The following ATP11B variants were observed in gnomAD, a reference collection of about 807,000 sequenced individuals.
ATP11B encodes ATPase phospholipid transporting 11B (putative).
Under a neutral mutation model 157.8 loss-of-function variants are expected in ATP11B, and 81 were observed. That is an observed-to-expected ratio of 0.51 (90% CI 0.43 to 0.62). The LOEUF (loss-of-function observed/expected upper bound fraction) is 0.62. ATP11B is among the 20% of genes least tolerant of loss of function. The probability of loss-of-function intolerance (pLI) is 0.00; values close to 1 mark genes in which losing one functional copy is unlikely to be tolerated. For missense variants in ATP11B, 1,165 were observed against 1,402.2 expected (o/e 0.83, Z 2.70); for synonymous variants, 451 against 469.4 (o/e 0.96, Z 0.51).
At chr3:182,797,785 A>G (rs775360961) in intron 1 of ATP11B, among the ~76,000 whole-genome samples, 4 of 152,200 alleles carry the variant, frequency 2.6e-5, no homozygotes, top group Non-Finnish European at 4.4e-5. Context: ...AATATTTTAC[A>G]TATATAGGTA....
chr3:182,825,183 T>C (rs1717634595), intron 2 of ATP11B, among the ~76,000 whole-genome samples: 2 of 152,344 alleles, frequency 1.3e-5, no homozygotes, highest in Non-Finnish European at 2.9e-5. Context: ...TTCTCCCTTA[T>C]TTGCCCTGGA....
At position 182,866,280 on chromosome 3, in the gene ATP11B, G is replaced by T. The variant is rs773411741; in HGVS notation, c.1456G>T (p.Asp486Tyr). Reference sequence around the variant, plus strand: ...TACATTTTTACAGATTAAAGAACATGATCTCTTCTTTAAAGCAGTCAGTCT... The same window carrying T: ...TACATTTTTACAGATTAAAGAACATTATCTCTTCTTTAAAGCAGTCAGTCT... ...ENETELIKEH[D>Y]LFFKAVSLCH... The change falls in exon 14 of 30, where the codon GAT becomes TAT. Residue 486 changes from aspartate to tyrosine, a missense_variant. Asp to Tyr is a radical substitution (Grantham distance 160, BLOSUM62 -3). This residue lies in a region of ATP11B where 737 missense variants were observed against 930.5 expected (regional missense o/e 0.79). Coordinates refer to ENST00000323116, the MANE Select transcript of ATP11B (RefSeq NM_014616.3). 1 of 1,575,230 alleles carries T rather than the reference G, an allele frequency of 6.3e-7. No homozygotes were observed. Among genetic ancestry groups the T allele is most frequent in the Admixed American group, 1.8e-5 (1 of 56,448 alleles).
intron 1 of ATP11B, among the ~76,000 whole-genome samples, chr3:182,795,554 C>T (rs912845495): frequency 1.3e-5 from 2 of 152,176 alleles, no homozygotes; most frequent in African/African-American, 4.8e-5. Context: ...GCCGTCTTAA[C>T]AGGGATGGTT....
Position 182,835,929 on chromosome 3 carries a change from C to T in ATP11B, c.316-106C>T, listed in dbSNP as rs1718514254. 6.6e-6 allele frequency: 5 copies of T among 754,774 alleles called. No homozygotes were observed. The East Asian group carries it at 1.4e-4, about 21-fold the overall frequency. 46.8% of individuals were successfully genotyped at this position (754,774 alleles called of 1,614,324 possible). On this transcript the variant is annotated intron_variant, in intron 4 of 29. Coordinates refer to ENST00000323116, the MANE Select transcript of ATP11B (RefSeq NM_014616.3). ...TGCATCCAAATAGCCTCATATGATTCTGGAATGTAGTGTTCCAGGGAAGTT... is the reference window on the plus strand; with the variant it reads ...TGCATCCAAATAGCCTCATATGATTTTGGAATGTAGTGTTCCAGGGAAGTT...
chr3:182,892,319 G>A (rs766565502), intron 25 of ATP11B, among the ~76,000 whole-genome samples: 2 of 152,122 alleles, frequency 1.3e-5, no homozygotes, highest in African/African-American at 4.8e-5. Context: ...TGTCTAGGCC[G>A]CGTCTCATTG....
rs375332861 is a variant in ATP11B at position 182,887,652 on chromosome 3, T to C, written c.2782T>C (p.Tyr928His). ...ICFTSLPILI[Y>H]SLLEQHVDPH... The stretch of plus-strand genomic sequence containing the variant: ...TTTTACTTCCCTACCTATTCTGATA[T>C]ATAGTCTTTTGGAACAGCATGTAGA... Residue 928 changes from tyrosine to histidine, a missense_variant, in exon 24 of 30, where the codon TAT becomes CAT. This residue lies in a region of ATP11B where 737 missense variants were observed against 930.5 expected (regional missense o/e 0.79). Coordinates refer to ENST00000323116, the MANE Select transcript of ATP11B (RefSeq NM_014616.3). 22 of 1,613,112 alleles carry C rather than the reference T, an allele frequency of 1.4e-5. No individual in the cohort carries two copies. The African/African-American group carries it at 1.7e-4, about 13-fold the overall frequency.
intron 25 of ATP11B, 92 bp downstream of exon 25, chr3:182,889,640 A>G (rs1311689403): frequency 2.7e-6 from 3 of 1,121,104 alleles, no homozygotes; most frequent in East Asian, 3.0e-5. Flanking sequence ...TTTAAATTAC[A>G]GAACTTCAAG....
intron 7 of ATP11B, among the ~76,000 whole-genome samples, chr3:182,839,530 C>T (rs977456929): frequency 6.6e-6 from 1 of 152,006 alleles, no homozygotes; most frequent in Non-Finnish European, 1.5e-5. Flanking sequence ...AATTGTAGAT[C>T]AAAATTTAGT....
chr3:182,877,977 A>G (rs1447137270), intron 19 of ATP11B, among the ~76,000 whole-genome samples: 2 of 152,204 alleles, frequency 1.3e-5, no homozygotes, highest in Admixed American at 1.3e-4. Context: ...CTTGACTGCT[A>G]GCATTTCTGA....
chr3:182,897,115 A>G (rs1018716254), intron 26 of ATP11B, among the ~76,000 whole-genome samples, 188 bp from the exon 27 acceptor site: 5 of 152,114 alleles, frequency 3.3e-5, no homozygotes, highest in Admixed American at 2.0e-4. Flanking sequence ...AAAACATTAT[A>G]AACTTGAAAT....
rs748776934 is a variant in ATP11B at position 182,865,601 on chromosome 3, ACTTAT to A, written c.1356_1360del (p.Tyr452Ter). ...CCAACACCAGACTCTTCAGAAGGAA[ACTTAT>A]CTTATCTTAGTAGTTTATCCCATCT... On this transcript the variant is annotated frameshift_variant, in exon 13 of 30. Transcript: ENST00000323116. LOFTEE classifies it high-confidence loss of function. The A allele has an allele frequency of 5.6e-6, 9 of 1,613,792 alleles. No homozygotes were observed. The highest frequency in any genetic ancestry group is 7.6e-6 in the Non-Finnish European group (9 of 1,179,778).
chr3:182,910,624 T>C (rs762475689), intron 28 of ATP11B, among the ~76,000 whole-genome samples: 27 of 152,162 alleles, frequency 1.8e-4, no homozygotes, highest in Non-Finnish European at 3.8e-4. Flanking sequence ...AGCAAGATGA[T>C]TACCAGGGTC....
At chr3:182,888,025 G>T (rs190901634) in intron 24 of ATP11B, among the ~76,000 whole-genome samples, 3 of 152,264 alleles carry the variant, frequency 2.0e-5, no homozygotes, top group Admixed American at 6.5e-5. Flanking sequence ...ATAATTGGTA[G>T]TCTCTAGAAT....
chr3:182,914,407 A>G, intron 29 of ATP11B: 2 of 985,982 alleles, frequency 2.0e-6, no homozygotes, highest in Non-Finnish European at 2.4e-6. Context: ...CAGTGAAGTC[A>G]AAGGCTTTCC....
chr3:182,820,000 C>G (rs185261902), intron 1 of ATP11B, among the ~76,000 whole-genome samples: 59 of 151,608 alleles, frequency 3.9e-4, no homozygotes, highest in African/African-American at 1.3e-3. Flanking sequence ...AGTTAAGTTT[C>G]TATCTGGAGA....
chr3:182,828,197 AT>A lies in ATP11B; in HGVS notation c.227del (p.Leu76TrpfsTer5). 2.7e-6 allele frequency: 4 copies of A among 1,479,788 alleles called. No individual in the cohort carries two copies. Among genetic ancestry groups the A allele is most frequent in the South Asian group, 2.7e-5 (2 of 74,462 alleles). 91.7% of individuals were successfully genotyped at this position (1,479,788 alleles called of 1,614,324 possible). On this transcript the variant is annotated frameshift_variant, in exon 3 of 30. Transcript: ENST00000323116. LOFTEE classifies it high-confidence loss of function. ...TGGCAAACTTTTATTTTCTTATTATATTTTTGGTTCAGGTAAGCTTTATTAC... is the reference window on the plus strand; with the variant it reads ...TGGCAAACTTTTATTTTCTTATTATATTTTGGTTCAGGTAAGCTTTATTAC... Reference protein sequence around the residue: ...RVANFYFLIIFLVQLMIDTPT... With the variant: ...RVANFYFLIIXLVQLMIDTPT...
chr3:182,869,767 A>G (rs1721512937), intron 17 of ATP11B, among the ~76,000 whole-genome samples: 1 of 152,256 alleles, frequency 6.6e-6, no homozygotes, highest in African/African-American at 2.4e-5. Flanking sequence ...GACACCCAAG[A>G]CAGCTGAAAA....
At chr3:182,862,280 A>G (rs2108537550) in intron 12 of ATP11B, among the ~76,000 whole-genome samples, 1 of 138,748 alleles carries the variant, frequency 7.2e-6, no homozygotes, top group South Asian at 2.2e-4. Context: ...AACCCTGTCT[A>G]AAAAAAAAAA....
chr3:182,913,732 C>T, intron 28 of ATP11B, 129 bp from the exon 29 acceptor site: 2 of 1,471,352 alleles, frequency 1.4e-6, no homozygotes, highest in East Asian at 2.3e-5. Flanking sequence ...ATATGTTTCC[C>T]ATATTATAGA....
Sources: gnomAD v4.1 joint callset for allele counts (sites outside exome capture counted in the v4.1 genomes callset) on GRCh38, gnomAD v4.1.1 for gene constraint, gnomAD v4.1.1 regional missense constraint, MANE v1.5 for transcripts, NCBI Gene and HGNC (gene_info 2026-07-23, HGNC 2026-07-21) for gene names.